Variants in POM121C observed in about 807,000 individuals in gnomAD.
POM121C encodes the protein POM121 transmembrane nucleoporin C.
Under a neutral mutation model 66.4 loss-of-function variants are expected in POM121C, and 20 were observed. That is an observed-to-expected ratio of 0.30 (90% CI 0.21 to 0.44). The LOEUF (loss-of-function observed/expected upper bound fraction) is 0.44, where lower values mean the gene tolerates loss of function less well. Ranked by LOEUF, POM121C falls within the 20% of genes least tolerant of loss-of-function variation. POM121C has a pLI of 1.00. For missense variants in POM121C, 580 were observed against 1,225.7 expected (o/e 0.47, Z 7.87); for synonymous variants, 286 against 528.0 (o/e 0.54, Z 6.28).
At chr7:75,438,316 C>T (rs782498297) in intron 6 of POM121C, among the ~76,000 whole-genome samples, 4 of 152,172 alleles carry the variant, frequency 2.6e-5, no homozygotes, top group Non-Finnish European at 4.4e-5. Context: ...CTTTCACCCA[C>T]GGATCCTATT....
chr7:75,437,370 T>C, intron 7 of POM121C, 145 bp downstream of exon 7: 1 of 1,209,322 alleles, frequency 8.3e-7, no homozygotes, highest in Non-Finnish European at 1.1e-6. Context: ...CCCAGGCTGG[T>C]TTTGAACTCC....
intron 1 of POM121C, among the ~76,000 whole-genome samples, chr7:75,480,849 G>C (rs1554479998): frequency 6.6e-6 from 1 of 151,788 alleles, no homozygotes. Flanking sequence ...TTGGGAAATT[G>C]GCAAAACTGG....
chr7:75,442,709 G>A (rs1342183890), intron 3 of POM121C: 60 of 1,380,862 alleles, frequency 4.3e-5, no homozygotes, highest in Admixed American at 2.5e-4. Flanking sequence ...CGCCGCAGCC[G>A]CCGGAGACAT....
At chr7:75,432,287 T>C (rs1489406822) in intron 7 of POM121C, among the ~76,000 whole-genome samples, 1 of 152,044 alleles carries the variant, frequency 6.6e-6, no homozygotes, top group Non-Finnish European at 1.5e-5. Flanking sequence ...AGCAATATTA[T>C]GTATAATAGC....
intron 3 of POM121C, among the ~76,000 whole-genome samples, chr7:75,472,169 A>G (rs1374873347): frequency 6.6e-6 from 1 of 150,960 alleles, no homozygotes; most frequent in African/African-American, 2.4e-5. Context: ...TACAGGCATG[A>G]GCCACCGTGC....
At position 75,437,592 on chromosome 7, in the gene POM121C, C is replaced by T. The variant is rs184994746; in HGVS notation, c.403G>A (p.Ala135Thr). 138 of 1,613,888 alleles carry T rather than the reference C, an allele frequency of 8.6e-5. No individual in the cohort carries two copies. Among genetic ancestry groups the T allele is most frequent in the Middle Eastern group, 3.3e-4 (2 of 6,056 alleles). ...RSSSMSSLTG[A>T]YTSGIPSSSR... ...GAGCTAGGGATGCCACTTGTGTAAGCGCCTGTCAAGGAGCTCATGGAAGAG... is the reference window on the plus strand; with the variant it reads ...GAGCTAGGGATGCCACTTGTGTAAGTGCCTGTCAAGGAGCTCATGGAAGAG... Residue 135 changes from alanine to threonine, a missense_variant, in exon 7 of 15, where the codon GCT becomes ACT. Transcript: ENST00000615331.
Position 75,421,280 on chromosome 7 carries a change from G to C in POM121C, c.2743+229C>G. On this transcript the variant is annotated intron_variant, in intron 13 of 14. Coordinates refer to ENST00000615331, the MANE Select transcript of POM121C (RefSeq NM_001099415.3). ...CATGAGCCACTGCGCCCAACCTTCA[G>C]CTTACAATTGTTAAGTACTCAGAAG... is the stretch of plus-strand genomic sequence containing the variant. 3.1e-6 allele frequency: 4 copies of C among 1,273,946 alleles called. No individual in the cohort carries two copies. The South Asian group carries it at 6.3e-5, about 20-fold the overall frequency. 78.9% of individuals were successfully genotyped at this position (1,273,946 alleles called of 1,614,324 possible).
Position 75,416,843 on chromosome 7 carries a change from T to C in POM121C, c.*1953A>G. ...CACAAGCAGGAGAAAAATCTCACAT[T>C]CATACTAAAAATTCCAACTAGACTC... On this transcript the variant is annotated 3_prime_UTR_variant, in exon 15 of 15. Coordinates refer to ENST00000615331, the MANE Select transcript of POM121C (RefSeq NM_001099415.3). The C allele has an allele frequency of 6.9e-7, 1 of 1,450,428 alleles. No individual in the cohort carries two copies. The highest frequency in any genetic ancestry group is 9.1e-7 in the Non-Finnish European group (1 of 1,102,682). The allele number at this position is 1,450,428 out of a possible 1,614,324, so 89.8% of individuals were successfully genotyped here. A position where few individuals can be genotyped will look rare whatever the true frequency, so the allele number is the denominator to read the frequency against.
chr7:75,483,617 A>C (rs1792397595), intron 1 of POM121C, among the ~76,000 whole-genome samples: 1 of 152,218 alleles, frequency 6.6e-6, no homozygotes, highest in Admixed American at 6.5e-5. Context: ...CAGTGTGAGA[A>C]TGGACTAATA....
At chr7:75,479,477 G>A (rs1308713346) in intron 1 of POM121C, among the ~76,000 whole-genome samples, 4 of 146,138 alleles carry the variant, frequency 2.7e-5, no homozygotes, top group African/African-American at 7.8e-5. Context: ...TTAGCCGGGC[G>A]TGATGGTGGG....
In POM121C at chr7:75,441,667, A is replaced by C; in HGVS notation, c.-151-20T>G. On this transcript the variant is annotated intron_variant, in intron 3 of 14. Transcript: ENST00000615331. ...CGATCCCTGCAGAGAATGCGAGACA[A>C]ATCATGGAAACAAAGTATAAAAGAA... 1 of 1,520,598 alleles carries C rather than the reference A, an allele frequency of 6.6e-7. No homozygotes were observed. Among genetic ancestry groups the C allele is most frequent in the Non-Finnish European group, 8.9e-7 (1 of 1,121,348 alleles). 94.2% of individuals were successfully genotyped at this position (1,520,598 alleles called of 1,614,324 possible). A position where few individuals can be genotyped will look rare whatever the true frequency, so the allele number is the denominator to read the frequency against.
chr7:75,435,187 A>G lies in POM121C; in HGVS notation c.480+2328T>C, dbSNP rs370226299. Among the ~76,000 whole-genome samples, 119 of 152,340 alleles carry G rather than the reference A, an allele frequency of 7.8e-4. 1 individual carries two copies. The highest frequency in any genetic ancestry group is 2.7e-3 in the African/African-American group (113 of 41,580). On this transcript the variant is annotated intron_variant, in intron 7 of 14. Transcript: ENST00000615331. ...GAAACAACCCAACGTTTGTCAATAG[A>G]GGACTAGAGTACCTATGCAGTTGTA...
chr7:75,473,540 GA>G (rs1386625252), intron 3 of POM121C, among the ~76,000 whole-genome samples: 3 of 152,156 alleles, frequency 2.0e-5, no homozygotes, highest in Admixed American at 1.3e-4. Context: ...ACTGAGCATG[GA>G]CTTGGGGAAA....
At chr7:75,474,982 T>C in intron 2 of POM121C, 80 bp downstream of exon 2, 2 of 1,470,696 alleles carry the variant, frequency 1.4e-6, no homozygotes, top group Non-Finnish European at 1.9e-6. Flanking sequence ...AGGAATTAAA[T>C]GGTGTTGCCA....
At chr7:75,431,816 G>A (rs184390644) in intron 7 of POM121C, among the ~76,000 whole-genome samples, 4 of 152,002 alleles carry the variant, frequency 2.6e-5, no homozygotes, top group Non-Finnish European at 4.4e-5. Context: ...GCTCAGTGTG[G>A]TGGTGCATGC....
intron 5 of POM121C, among the ~76,000 whole-genome samples, chr7:75,439,814 A>G (rs1238301226): frequency 6.6e-6 from 1 of 152,042 alleles, no homozygotes; most frequent in Non-Finnish European, 1.5e-5. Flanking sequence ...ACCCACTTCA[A>G]CTTCTTTTCT....
chr7:75,471,765 C>A (rs1436149171), intron 3 of POM121C, among the ~76,000 whole-genome samples: 1 of 152,126 alleles, frequency 6.6e-6, no homozygotes, highest in Non-Finnish European at 1.5e-5. Flanking sequence ...ACCTACTACG[C>A]GCTGTCACGT....
At chr7:75,451,848 G>GA (rs1791031704) in intron 3 of POM121C, among the ~76,000 whole-genome samples, 3 of 152,018 alleles carry the variant, frequency 2.0e-5, no homozygotes, top group African/African-American at 7.2e-5. Flanking sequence ...AAATTTACCA[G>GA]AAAAAACCAA....
intron 6 of POM121C, among the ~76,000 whole-genome samples, chr7:75,438,583 G>T (rs1277602381): frequency 2.0e-5 from 3 of 152,198 alleles, no homozygotes; most frequent in African/African-American, 4.8e-5. Context: ...GCAGTACGCT[G>T]ATCTGACCAC....
Sources: gnomAD v4.1 joint callset for allele counts (sites outside exome capture counted in the v4.1 genomes callset) on GRCh38, gnomAD v4.1.1 for gene constraint, MANE v1.5 for transcripts, NCBI Gene and HGNC (gene_info 2026-07-23, HGNC 2026-07-21) for gene names.